TMC1: variants seen among roughly 807,000 people sequenced by gnomAD.
TMC1 encodes transmembrane channel like 1.
TMC1 carries 84 observed loss-of-function variants against 105.8 expected under a neutral mutation model. The ratio of observed to expected loss-of-function variants is 0.79; its 90% CI spans 0.67 to 0.95. The LOEUF (loss-of-function observed/expected upper bound fraction) is 0.95, where lower values mean the gene tolerates loss of function less well. TMC1 is among the 40% of genes least tolerant of loss of function. The pLI is 0.00. For synonymous variants in TMC1, 315 were observed against 311.5 expected (o/e 1.01, Z -0.12); for missense variants, 817 against 914.1 (o/e 0.89, Z 1.37).
At chr9:72,815,964 TA>T (rs570280137) in intron 18 of TMC1, among the ~76,000 whole-genome samples, 178 bp from the exon 19 acceptor site, 313 of 147,022 alleles carry the variant, frequency 2.1e-3, no homozygotes, top group African/African-American at 4.3e-3. Context: ...TCACTGTGTT[TA>T]AAAAAAAAAA....
rs1208479845 is a variant in TMC1, at chr9:72,607,008, G to T, written c.-305-9360G>T. Among the ~76,000 whole-genome samples the T allele has an allele frequency of 1.6e-3, 237 of 149,324 alleles. 2 individuals carry two copies. Among genetic ancestry groups the T allele is most frequent in the African/African-American group, 5.7e-3 (231 of 40,810 alleles). On this transcript the variant is annotated intron_variant, in intron 2 of 23. Coordinates refer to ENST00000297784, the MANE Select transcript of TMC1 (RefSeq NM_138691.3). Reference sequence around the variant, plus strand: ...ATATATATATATATATATATAGAGAGAGAGAGAGAGAGAGAGAGAAAGAGA... The same window carrying T: ...ATATATATATATATATATATAGAGATAGAGAGAGAGAGAGAGAGAAAGAGA...
At chr9:72,803,625 G>A (rs1449908015) in intron 17 of TMC1, among the ~76,000 whole-genome samples, 1 of 152,134 alleles carries the variant, frequency 6.6e-6, no homozygotes, top group Non-Finnish European at 1.5e-5. Flanking sequence ...ACAACCATAT[G>A]AAAAAACACT....
At chr9:72,596,766 C>T (rs750432550) in intron 2 of TMC1, among the ~76,000 whole-genome samples, 3 of 151,916 alleles carry the variant, frequency 2.0e-5, no homozygotes, top group Non-Finnish European at 2.9e-5. Flanking sequence ...CAGCAGGCCT[C>T]CATGGTATTT....
chr9:72,579,446 C>G (rs1371939674), intron 2 of TMC1, among the ~76,000 whole-genome samples: 27 of 152,122 alleles, frequency 1.8e-4, no homozygotes, highest in Admixed American at 1.8e-3. Context: ...TCCACTCAGT[C>G]CTTTGACTCA....
chr9:72,745,318 G>C (rs1036612344), intron 10 of TMC1, among the ~76,000 whole-genome samples: 2 of 152,106 alleles, frequency 1.3e-5, no homozygotes, highest in African/African-American at 4.8e-5. Context: ...GGCAAAATCT[G>C]TCTGGGTTCA....
At chr9:72,788,507 C>T in intron 14 of TMC1, 24 bp downstream of exon 14, 2 of 1,613,298 alleles carry the variant, frequency 1.2e-6, no homozygotes, top group East Asian at 4.5e-5. Flanking sequence ...CTTCAAAAAC[C>T]TGCTGTTTGT....
At chr9:72,618,190 G>A (rs1447764683) in intron 3 of TMC1, among the ~76,000 whole-genome samples, 1 of 150,630 alleles carries the variant, frequency 6.6e-6, no homozygotes, top group Non-Finnish European at 1.5e-5. Context: ...CACCACGCCC[G>A]GCTAATTTTT....
At chr9:72,565,542 A>C (rs1288798650) in intron 1 of TMC1, among the ~76,000 whole-genome samples, 4 of 152,192 alleles carry the variant, frequency 2.6e-5, no homozygotes, top group Admixed American at 6.5e-5. Flanking sequence ...TATATATTTG[A>C]GAATTAATAA....
intron 7 of TMC1, among the ~76,000 whole-genome samples, chr9:72,696,120 C>T (rs1248430422): frequency 1.3e-5 from 2 of 152,116 alleles, no homozygotes; most frequent in African/African-American, 4.8e-5. Context: ...ATTTATGCCG[C>T]AAAAAAATCC....
At chr9:72,742,260 C>G (rs1157186749) in intron 9 of TMC1, among the ~76,000 whole-genome samples, 184 bp from the exon 10 acceptor site, 2 of 152,064 alleles carry the variant, frequency 1.3e-5, no homozygotes, top group East Asian at 3.9e-4. Flanking sequence ...TTAAATTGGT[C>G]TGGGGTTAGT....
intron 13 of TMC1, among the ~76,000 whole-genome samples, chr9:72,779,817 G>C (rs1828063395): frequency 6.6e-6 from 1 of 152,144 alleles, no homozygotes; most frequent in Admixed American, 6.5e-5. Context: ...GGGGGAGAGA[G>C]AAAGCAAGTT....
intron 1 of TMC1, among the ~76,000 whole-genome samples, chr9:72,539,544 G>T (rs148304692): frequency 6.6e-6 from 1 of 152,036 alleles, no homozygotes; most frequent in East Asian, 1.9e-4. Context: ...GGAACCCTTT[G>T]CTCTAGTTCC....
At chr9:72,650,746 G>A (rs1417403590) in intron 5 of TMC1, among the ~76,000 whole-genome samples, 9 of 150,906 alleles carry the variant, frequency 6.0e-5, no homozygotes, top group African/African-American at 2.0e-4. Flanking sequence ...AAATGAGAAC[G>A]TGGTATTTGG....
At chr9:72,700,743 T>TATATATATACACAC (rs1242969553) in intron 8 of TMC1, 100 bp downstream of exon 8, 1 of 130,842 alleles carries the variant, frequency 7.6e-6, no homozygotes, top group African/African-American at 4.3e-5. Flanking sequence ...TATATATATA[T>TATATATATACACAC]ACACACACAC....
At chr9:72,592,735 A>C (rs923801641) in intron 2 of TMC1, among the ~76,000 whole-genome samples, 2 of 152,216 alleles carry the variant, frequency 1.3e-5, no homozygotes, top group Non-Finnish European at 2.9e-5. Context: ...TCAGATGCTC[A>C]ATGTCTTACA....
chr9:72,825,714 T>C (rs898853813), intron 20 of TMC1, among the ~76,000 whole-genome samples: 8 of 152,302 alleles, frequency 5.3e-5, no homozygotes, highest in South Asian at 4.1e-4. Flanking sequence ...TGGGGCTGCA[T>C]TGGGGGGTAT....
At chr9:72,630,274 A>C (rs1355586739) in intron 4 of TMC1, among the ~76,000 whole-genome samples, 2 of 152,250 alleles carry the variant, frequency 1.3e-5, no homozygotes, top group Admixed American at 1.3e-4. Context: ...ATTGGTAATT[A>C]AAATTTAAAA....
At chr9:72,823,422 T>C (rs1828904774) in intron 20 of TMC1, among the ~76,000 whole-genome samples, 1 of 152,174 alleles carries the variant, frequency 6.6e-6, no homozygotes, top group Non-Finnish European at 1.5e-5. Flanking sequence ...AGCAGGAATT[T>C]AGGAAATATA....
In TMC1 at chr9:72,821,123, C is replaced by A. The variant is rs760552145; in HGVS notation, c.2003+42C>A. ...ATTTGACTCAGGCATCGTGTTCTTT[C>A]GGGGGTGGAGGTGGGAATGGTCATT... On this transcript the variant is annotated intron_variant, in intron 20 of 23. Coordinates refer to ENST00000297784, the MANE Select transcript of TMC1 (RefSeq NM_138691.3). 4 of 1,613,678 alleles carry A rather than the reference C, an allele frequency of 2.5e-6. No homozygotes were observed. The East Asian group carries it at 6.7e-5, about 27-fold the overall frequency.
Sources: gnomAD v4.1 joint callset for allele counts (sites outside exome capture counted in the v4.1 genomes callset) on GRCh38, gnomAD v4.1.1 for gene constraint, MANE v1.5 for transcripts, NCBI Gene and HGNC (gene_info 2026-07-23, HGNC 2026-07-21) for gene names.